PGR: variants seen among roughly 807,000 people sequenced by gnomAD.
The protein encoded by PGR is progesterone receptor.
Under a neutral mutation model 76.1 loss-of-function variants are expected in PGR, and 25 were observed. That is an observed-to-expected ratio of 0.33 (90% CI 0.24 to 0.46). PGR has a LOEUF of 0.46. Among genes scored for constraint, PGR ranks in the 20% least tolerant of loss-of-function variants. The pLI is 1.00. For synonymous variants in PGR, 579 were observed against 535.0 expected (o/e 1.08, Z -1.14); for missense variants, 1,172 against 1,225.3 (o/e 0.96, Z 0.65).
At chr11:101,102,543 T>C (rs879431403) in intron 2 of PGR, among the ~76,000 whole-genome samples, 11 of 152,146 alleles carry the variant, frequency 7.2e-5, no homozygotes, top group Non-Finnish European at 1.5e-4. Context: ...TAAAGTGGAA[T>C]GAAGAGTGAC....
At chr11:101,119,971 A>C (rs1326091963) in intron 2 of PGR, among the ~76,000 whole-genome samples, 1 of 152,226 alleles carries the variant, frequency 6.6e-6, no homozygotes, top group African/African-American at 2.4e-5. Context: ...GGACTCTTAC[A>C]AGGATTAATT....
chr11:101,098,335 A>G (rs988039123), intron 2 of PGR, among the ~76,000 whole-genome samples: 3 of 152,200 alleles, frequency 2.0e-5, no homozygotes, highest in African/African-American at 7.2e-5. Context: ...CTTAGGTCTG[A>G]GAGAGTTCAC....
At chr11:101,046,145 A>C (rs894047914) in intron 6 of PGR, among the ~76,000 whole-genome samples, 1 of 150,766 alleles carries the variant, frequency 6.6e-6, no homozygotes, top group Non-Finnish European at 1.5e-5. Flanking sequence ...TTTTATTTTG[A>C]GACATGGTCT....
In PGR at chr11:101,128,409, A is replaced by G. The variant is rs200322178; in HGVS notation, c.662T>C (p.Val221Ala). 6.2e-7 allele frequency: 1 copy of G among 1,609,340 alleles called. No individual in the cohort carries two copies. Among genetic ancestry groups the G allele is most frequent in the African/African-American group, 1.3e-5 (1 of 74,510 alleles). ...KPSPQAAAVE[V>A]EEEDGSESEE... ...GGACTCAGAGCCATCCTCCTCCTCA[A>G]CCTCCACCGCAGCGGCCTGCGGAGA... The change falls in exon 1 of 8, where the codon GTT (valine) becomes GCT (alanine). Residue 221 changes from valine (V) to alanine (A), a missense_variant. Around this residue, in one of 4 missense-constraint regions of PGR, gnomAD observed 893 missense variants for 785.9 expected, o/e 1.14. Transcript: ENST00000325455.
At chr11:101,119,952 C>T (rs1032425744) in intron 2 of PGR, among the ~76,000 whole-genome samples, 1 of 152,180 alleles carries the variant, frequency 6.6e-6, no homozygotes, top group Non-Finnish European at 1.5e-5. Context: ...ACAGAACCTC[C>T]ACCTCAAAGG....
intron 3 of PGR, among the ~76,000 whole-genome samples, chr11:101,067,766 G>T (rs375751242): frequency 1.3e-5 from 2 of 151,988 alleles, no homozygotes; most frequent in Non-Finnish European, 2.9e-5. Flanking sequence ...ATCATACAGT[G>T]TAGGAAAAAA....
chr11:101,127,651 G>A lies in PGR; in HGVS notation c.1420C>T (p.Pro474Ser). The change falls in exon 1 of 8, where the codon CCG becomes TCG. Residue 474 changes from proline (P) to serine (S), a missense_variant. This residue lies in a region of PGR where 893 missense variants were observed against 785.9 expected (regional missense o/e 1.14). Transcript: ENST00000325455. Reference protein sequence around the residue: ...KAEGAPPQQGPFAPPPCKAPG... With the variant: ...KAEGAPPQQGSFAPPPCKAPG... ...GCCTTGCAGGGCGGCGGCGCGAACG[G>A]GCCCTGCTGGGGCGGCGCGCCCTCC... 1.3e-6 allele frequency: 2 copies of A among 1,488,144 alleles called. No individual in the cohort carries two copies. The allele number at this position is 1,488,144 out of a possible 1,614,324, so 92.2% of individuals were successfully genotyped here.
chr11:101,107,249 AAAT>A (rs1448317859), intron 2 of PGR, among the ~76,000 whole-genome samples: 4 of 152,264 alleles, frequency 2.6e-5, no homozygotes, highest in South Asian at 4.1e-4. Context: ...TCATCATTCT[AAAT>A]AATGTGTTCT....
At chr11:101,088,838 G>C (rs1861582383) in intron 3 of PGR, among the ~76,000 whole-genome samples, 2 of 152,210 alleles carry the variant, frequency 1.3e-5, no homozygotes, top group Non-Finnish European at 2.9e-5. Flanking sequence ...ATACACCATG[G>C]AATATTATGC....
intron 2 of PGR, among the ~76,000 whole-genome samples, chr11:101,124,143 T>C (rs1325251291): frequency 6.6e-6 from 1 of 152,162 alleles, no homozygotes; most frequent in Non-Finnish European, 1.5e-5. Context: ...AGTAACTCTT[T>C]GTAATTACTG....
intron 4 of PGR, among the ~76,000 whole-genome samples, chr11:101,061,828 T>G (rs1860509988): frequency 6.6e-6 from 1 of 152,150 alleles, no homozygotes; most frequent in African/African-American, 2.4e-5. Flanking sequence ...AAATAGCTGA[T>G]AAGTAAAGTG....
intron 3 of PGR, among the ~76,000 whole-genome samples, chr11:101,089,403 T>A (rs931306932): frequency 6.6e-6 from 1 of 152,206 alleles, no homozygotes; most frequent in African/African-American, 2.4e-5. Flanking sequence ...AGGAAGAGGC[T>A]AAGCAAAACA....
chr11:101,052,963 T>G (rs1860149931), intron 4 of PGR, among the ~76,000 whole-genome samples: 1 of 152,088 alleles, frequency 6.6e-6, no homozygotes, highest in Non-Finnish European at 1.5e-5. Flanking sequence ...AACATCCTGG[T>G]ATCAGCTGCA....
chr11:101,110,330 G>A (rs1163906043), intron 2 of PGR, among the ~76,000 whole-genome samples: 1 of 152,180 alleles, frequency 6.6e-6, no homozygotes. Flanking sequence ...AACATTTGTG[G>A]TTAATCGGAG....
rs1859580957 is a variant in PGR at position 101,038,338 on chromosome 11, T to A, written c.*778A>T. ...TCAGCATGCCACAGTTGGTAAGGAG[T>A]ACAGTTAGGCCATAATCTTCTGATT... is the stretch of plus-strand genomic sequence containing the variant. On this transcript the variant is annotated 3_prime_UTR_variant, in exon 8 of 8. Transcript: ENST00000325455. The A allele has an allele frequency of 4.8e-6, 1 of 207,742 alleles. No homozygotes were observed. Among genetic ancestry groups the A allele is most frequent in the African/African-American group, 2.3e-5 (1 of 43,954 alleles). 12.9% of individuals were successfully genotyped at this position (207,742 alleles called of 1,614,324 possible). A position where few individuals can be genotyped will look rare whatever the true frequency, so the allele number is the denominator to read the frequency against.
chr11:101,073,032 C>T (rs1565344728), intron 3 of PGR, among the ~76,000 whole-genome samples: 2 of 152,170 alleles, frequency 1.3e-5, no homozygotes, highest in Non-Finnish European at 1.5e-5. Context: ...TTCTTCTCAG[C>T]ACCACATTGC....
At position 101,032,675 on chromosome 11, in the gene PGR, G is replaced by A. The variant is rs1859387980; in HGVS notation, c.*6441C>T. 1 of 215,308 alleles carries A rather than the reference G, an allele frequency of 4.6e-6. No individual in the cohort carries two copies. The highest frequency in any genetic ancestry group is 9.4e-6 in the Non-Finnish European group (1 of 106,732). 13.3% of individuals were successfully genotyped at this position (215,308 alleles called of 1,614,324 possible). A position where few individuals can be genotyped will look rare whatever the true frequency, so the allele number is the denominator to read the frequency against. On this transcript the variant is annotated 3_prime_UTR_variant, in exon 8 of 8. Transcript: ENST00000325455. ...GTGGCTTAGCTTTGACTTTTTTCAG[G>A]ATGCCTCTGCTAACCCCTAAATTCA...
At chr11:101,126,979 C>A in intron 1 of PGR, 1 of 152,694 alleles carries the variant, frequency 6.5e-6, no homozygotes, top group Non-Finnish European at 1.5e-5. Flanking sequence ...CCCGGGGGAA[C>A]GGTGCCTTAA....
chr11:101,117,139 C>T (rs1051030935), intron 2 of PGR, among the ~76,000 whole-genome samples: 17 of 152,076 alleles, frequency 1.1e-4, no homozygotes, highest in Admixed American at 2.6e-4. Context: ...GCCAAAGTAA[C>T]GCATATTTTA....
Sources: gnomAD v4.1 joint callset for allele counts (sites outside exome capture counted in the v4.1 genomes callset) on GRCh38, gnomAD v4.1.1 for gene constraint, gnomAD v4.1.1 regional missense constraint, MANE v1.5 for transcripts, NCBI Gene and HGNC (gene_info 2026-07-23, HGNC 2026-07-21) for gene names.